The following NPSR1 variants were observed in gnomAD, a reference collection of about 807,000 sequenced individuals.
NPSR1 encodes neuropeptide S receptor.
In NPSR1, 48 loss-of-function variants were observed where a neutral mutation model predicts 46.9. The ratio of observed to expected loss-of-function variants is 1.02; its 90% CI spans 0.81 to 1.30. The LOEUF is 1.30. Ranked by LOEUF, NPSR1 falls within the 50% of genes most tolerant of loss-of-function variation. NPSR1 has a pLI of 0.00. For synonymous variants in NPSR1, 176 were observed against 168.1 expected (o/e 1.05, Z -0.36); for missense variants, 450 against 449.5 (o/e 1.00, Z -0.01).
At chr7:34,814,970 CG>C (rs1223876441) in intron 4 of NPSR1, among the ~76,000 whole-genome samples, 1 of 152,126 alleles carries the variant, frequency 6.6e-6, no homozygotes, top group African/African-American at 2.4e-5. Context: ...GAAACCAGAG[CG>C]GAAAAGCTGA....
intron 2 of NPSR1, among the ~76,000 whole-genome samples, chr7:34,721,683 C>T (rs1448882212): frequency 6.6e-6 from 1 of 152,156 alleles, no homozygotes; most frequent in Non-Finnish European, 1.5e-5. Context: ...TATATCAAAA[C>T]ATCATGGAAA....
intron 2 of NPSR1, among the ~76,000 whole-genome samples, chr7:34,724,650 G>A (rs370649090): frequency 3.9e-5 from 6 of 152,216 alleles, no homozygotes; most frequent in East Asian, 3.9e-4. Context: ...GGTGAAGAGC[G>A]TGGAGTCACA....
chr7:34,754,563 T>A (rs1467304164), intron 2 of NPSR1, among the ~76,000 whole-genome samples: 3 of 151,296 alleles, frequency 2.0e-5, no homozygotes, highest in African/African-American at 7.3e-5. Context: ...CCACCAAGAG[T>A]AAGCCCTGAG....
At chr7:34,732,668 CATTA>C (rs1318254542) in intron 2 of NPSR1, among the ~76,000 whole-genome samples, 5 of 152,140 alleles carry the variant, frequency 3.3e-5, no homozygotes. Context: ...TATGACATTT[CATTA>C]ATTTTAATTT....
In NPSR1 at chr7:34,874,590, G is replaced by A. The variant is rs181342137; in HGVS notation, c.1026-3486G>A. On this transcript the variant is annotated intron_variant, in intron 8 of 8. Transcript: ENST00000359791. The stretch of plus-strand genomic sequence containing the variant: ...TGTTCAATGAAACCTCAGTTAAACC[G>A]TGAGACCATCTTGTCTTATTGCTTA... Among the ~76,000 whole-genome samples the A allele has an allele frequency of 2.5e-3, 387 of 152,320 alleles. 3 individuals are homozygous for A. Among genetic ancestry groups the A allele is most frequent in the African/African-American group, 9.0e-3 (374 of 41,568 alleles).
In NPSR1 at chr7:34,877,959, G is replaced by A. The variant is rs1390450692; in HGVS notation, c.1026-117G>A. The A allele has an allele frequency of 6.7e-6, 4 of 595,528 alleles. No homozygotes were observed. In the East Asian group the frequency reaches 1.2e-4, roughly 17 times the overall value. The allele number at this position is 595,528 out of a possible 1,614,324, so 36.9% of individuals were successfully genotyped here. On this transcript the variant is annotated intron_variant, in intron 8 of 8. Transcript: ENST00000359791. ...AAGTACAAAGTGAAGAACCGAGGCGGGAGGTAGACTATATCTTATGAGAAA... is the reference window on the plus strand; with the variant it reads ...AAGTACAAAGTGAAGAACCGAGGCGAGAGGTAGACTATATCTTATGAGAAA...
chr7:34,834,236 C>G lies in NPSR1; in HGVS notation c.681-148C>G, dbSNP rs1790261465. On this transcript the variant is annotated intron_variant, in intron 5 of 8. Coordinates refer to ENST00000360581, the MANE Select transcript of NPSR1 (RefSeq NM_207172.2). ...CTCATGGTCACTTTCAGTTGCAATT[C>G]TATGAACAGCAAGTATAAGGGGGCA... is the stretch of plus-strand genomic sequence containing the variant. The G allele has an allele frequency of 6.2e-6, 4 of 643,858 alleles. No homozygotes were observed. In the Admixed American group the frequency reaches 7.7e-5, roughly 12 times the overall value. 39.9% of individuals were successfully genotyped at this position (643,858 alleles called of 1,614,324 possible).
At chr7:34,725,015 G>A (rs1051607493) in intron 2 of NPSR1, among the ~76,000 whole-genome samples, 16 of 151,836 alleles carry the variant, frequency 1.1e-4, no homozygotes, top group African/African-American at 3.9e-4. Context: ...CCAAATGGAT[G>A]ATCCATTTAA....
intron 8 of NPSR1, among the ~76,000 whole-genome samples, chr7:34,875,541 C>T (rs1043871926): frequency 5.3e-5 from 8 of 152,280 alleles, no homozygotes; most frequent in African/African-American, 1.9e-4. Context: ...TACCCTCCAC[C>T]CCAGATTGGC....
At chr7:34,768,812 G>A (rs907441064) in intron 2 of NPSR1, among the ~76,000 whole-genome samples, 3 of 152,102 alleles carry the variant, frequency 2.0e-5, no homozygotes, top group African/African-American at 7.2e-5. Context: ...AATACAGAGA[G>A]GATTCAAATT....
chr7:34,690,238 G>A (rs1159837718), intron 2 of NPSR1, among the ~76,000 whole-genome samples: 1 of 151,484 alleles, frequency 6.6e-6, no homozygotes. Flanking sequence ...CCTCAGATGA[G>A]GAAAAAAGTC....
At chr7:34,816,190 C>A (rs13307027) in intron 4 of NPSR1, among the ~76,000 whole-genome samples, 1 of 141,422 alleles carries the variant, frequency 7.1e-6, no homozygotes, top group African/African-American at 2.7e-5. Flanking sequence ...TGCAGAGATA[C>A]ACATAGGCTC....
In NPSR1 at chr7:34,871,882, G is replaced by A. The variant is rs189060027; in HGVS notation, c.1026-6194G>A. ...TCTCAAGAGTTGGAGTGGAGTACTTGTGGCTTTTCCAGGCAGAGTTTGCAA... is the reference window on the plus strand; with the variant it reads ...TCTCAAGAGTTGGAGTGGAGTACTTATGGCTTTTCCAGGCAGAGTTTGCAA... On this transcript the variant is annotated intron_variant, in intron 8 of 8. Transcript: ENST00000359791. Among the ~76,000 whole-genome samples, 3 of 151,982 alleles carry A rather than the reference G, an allele frequency of 2.0e-5. No individual in the cohort carries two copies. In the East Asian group the frequency reaches 5.8e-4, roughly 29 times the overall value.
intron 2 of NPSR1, among the ~76,000 whole-genome samples, chr7:34,732,301 A>G (rs761393014): frequency 2.6e-5 from 4 of 152,186 alleles, no homozygotes; most frequent in African/African-American, 7.2e-5. Flanking sequence ...ATGCTGGAAC[A>G]GGTCATGAGT....
At chr7:34,772,191 CTAACATTAG>C (rs1002882050) in intron 2 of NPSR1, among the ~76,000 whole-genome samples, 1 of 152,202 alleles carries the variant, frequency 6.6e-6, no homozygotes, top group African/African-American at 2.4e-5. Context: ...TCCTTCTGTT[CTAACATTAG>C]TAAACCTCAT....
chr7:34,838,649 G>A (rs1260541077), intron 6 of NPSR1, among the ~76,000 whole-genome samples: 3 of 152,156 alleles, frequency 2.0e-5, no homozygotes, highest in Non-Finnish European at 4.4e-5. Flanking sequence ...TCCTTAGTGC[G>A]AGAACCACTC....
At position 34,766,802 on chromosome 7, in the gene NPSR1, C is replaced by T. The variant is rs780710021; in HGVS notation, c.281-11660C>T. Among the ~76,000 whole-genome samples, 5 of 152,030 alleles carry T rather than the reference C, an allele frequency of 3.3e-5. No homozygotes were observed. In the East Asian group the frequency reaches 7.7e-4, roughly 24 times the overall value. ...GTTAGCCAGGATGGTCTCGATCTCC[C>T]GACCTCGTGATCCACCCGCCTCGGC... On this transcript the variant is annotated intron_variant, in intron 2 of 8. Coordinates refer to ENST00000360581, the MANE Select transcript of NPSR1 (RefSeq NM_207172.2).
intron 2 of NPSR1, among the ~76,000 whole-genome samples, chr7:34,691,136 T>C (rs1362765744): frequency 6.6e-6 from 1 of 152,166 alleles, no homozygotes; most frequent in Non-Finnish European, 1.5e-5. Context: ...CTAAGCTTTA[T>C]AAATGAAGAA....
intron 2 of NPSR1, among the ~76,000 whole-genome samples, chr7:34,708,528 C>T (rs576603484): frequency 1.9e-4 from 29 of 152,210 alleles, no homozygotes; most frequent in African/African-American, 6.3e-4. Context: ...GTAATCCCAA[C>T]GTCCAGTGCA....
Sources: gnomAD v4.1 joint callset for allele counts (sites outside exome capture counted in the v4.1 genomes callset) on GRCh38, gnomAD v4.1.1 for gene constraint, MANE v1.5 for transcripts, NCBI Gene and HGNC (gene_info 2026-07-23, HGNC 2026-07-21) for gene names.